Variants in BMP1 observed in about 807,000 individuals in gnomAD.
BMP1 encodes the protein bone morphogenetic protein 1, also known as mammalian tolloid protein.
A neutral mutation model predicts 116.8 loss-of-function variants in BMP1; 63 were observed. That is an observed-to-expected ratio of 0.54 (90% confidence interval 0.44 to 0.67). The LOEUF is 0.67. Among genes scored for constraint, BMP1 ranks in the 30% least tolerant of loss-of-function variants. The pLI, the probability that BMP1 is intolerant of heterozygous loss-of-function variation, is 0.00. For missense variants in BMP1, 1,183 were observed against 1,358.9 expected (o/e 0.87, Z 2.04); for synonymous variants, 536 against 533.4 (o/e 1.00, Z -0.07).
chr8:22,208,585 GC>G (rs1264770202), intron 18 of BMP1, among the ~76,000 whole-genome samples: 21 of 152,238 alleles, frequency 1.4e-4, no homozygotes, highest in African/African-American at 5.1e-4. Flanking sequence ...CCCAGAGTGT[GC>G]CCAGGTGACA....
In BMP1 at chr8:22,189,119, C is replaced by G. The variant is rs78836332; in HGVS notation, c.1078-2930C>G. On this transcript the variant is annotated intron_variant, in intron 8 of 19. Coordinates refer to ENST00000306385, the MANE Select transcript of BMP1 (RefSeq NM_006129.5). Reference sequence around the variant, plus strand: ...AACAAGTGAAATTTCTCCCCTTGACCCTCCTCCGGATCCCATTCCTCAGAG... The same window carrying G: ...AACAAGTGAAATTTCTCCCCTTGACGCTCCTCCGGATCCCATTCCTCAGAG... Among the ~76,000 whole-genome samples the G allele has an allele frequency of 6.3e-3, 952 of 152,206 alleles. 17 individuals carry two copies. In the East Asian group the frequency reaches 0.074, roughly 12 times the overall value.
At chr8:22,183,591 A>AATTATTATTATTATTATTATTATTATT (rs10687529) in intron 8 of BMP1, among the ~76,000 whole-genome samples, 1 of 146,986 alleles carries the variant, frequency 6.8e-6, no homozygotes, top group African/African-American at 2.5e-5. Context: ...GTATGTGTTA[A>AATTATTATTATTATTATTATTATTATT]ATTATTATTA....
Position 22,211,783 on chromosome 8 carries a change from T to C in BMP1, c.*55T>C, listed in dbSNP as rs1165681876. ...GCCTGCTGCCCTTGGTCGCCTAGAC[T>C]GGATAGTGGGGGTGGGCGGAAGGCA... On this transcript the variant is annotated 3_prime_UTR_variant, in exon 20 of 20. Transcript: ENST00000306385. 1 of 1,612,168 alleles carries C rather than the reference T, an allele frequency of 6.2e-7. No homozygotes were observed. The highest frequency in any genetic ancestry group is 1.3e-5 in the African/African-American group (1 of 74,916).
chr8:22,195,500 G>A lies in BMP1; in HGVS notation c.1678G>A (p.Glu560Lys), dbSNP rs373433474. Residue 560 changes from glutamate (E) to lysine (K), a missense_variant, in exon 13 of 20, where the codon GAG becomes AAG. By Grantham distance (56) the Glu-to-Lys change is moderately conservative (BLOSUM62 1). This residue lies in a region of BMP1 where 956 missense variants were observed against 1,135.2 expected (regional missense o/e 0.84). Transcript: ENST00000306385. ...ECSRPNRGGC[E>K]QRCLNTLGSY... ...CTCTCGGCCCAACCGCGGGGGCTGT[G>A]AGCAGCGGTGCCTCAACACCCTGGG... 4.5e-5 allele frequency: 73 copies of A among 1,612,266 alleles called. No homozygotes were observed. Among genetic ancestry groups the A allele is most frequent in the Non-Finnish European group, 6.0e-5 (71 of 1,179,710 alleles).
At position 22,188,336 on chromosome 8, in the gene BMP1, T is replaced by C. The variant is rs59473090; in HGVS notation, c.1078-3713T>C. On this transcript the variant is annotated intron_variant, in intron 8 of 19. Coordinates refer to ENST00000306385, the MANE Select transcript of BMP1 (RefSeq NM_006129.5). ...GGCATGCGCCATCATGCCCGGCAAA[T>C]TTTTAAATTTTTTTGTAGAGATGGG... is the stretch of plus-strand genomic sequence containing the variant. Among the ~76,000 whole-genome samples the C allele has an allele frequency of 4.8e-3, 726 of 152,166 alleles. 6 individuals are homozygous for C. The highest frequency in any genetic ancestry group is 0.017 in the African/African-American group (702 of 41,512).
At chr8:22,176,873 G>GC in intron 4 of BMP1, 88 bp from the exon 5 acceptor site, 1 of 1,103,206 alleles carries the variant, frequency 9.1e-7, no homozygotes, top group Non-Finnish European at 1.3e-6. Flanking sequence ...CTCCCCTGCC[G>GC]CCCCGCCCCC....
intron 15 of BMP1, chr8:22,201,215 C>G (rs769809200): frequency 6.2e-7 from 1 of 1,608,712 alleles, no homozygotes; most frequent in East Asian, 2.2e-5. Flanking sequence ...GCCTGCCAGG[C>G]CTCCCGGACC....
chr8:22,183,929 G>A (rs1325494428), intron 8 of BMP1, among the ~76,000 whole-genome samples: 2 of 152,110 alleles, frequency 1.3e-5, no homozygotes, highest in African/African-American at 4.8e-5. Context: ...GCAACACTAT[G>A]GGCCAGATGC....
intron 12 of BMP1, among the ~76,000 whole-genome samples, 166 bp from the exon 13 acceptor site, chr8:22,195,296 C>T (rs1024710498): frequency 4.6e-5 from 7 of 152,318 alleles, no homozygotes; most frequent in South Asian, 2.1e-4. Flanking sequence ...GGGAACAGCA[C>T]GTGAGAGACA....
Position 22,177,062 on chromosome 8 carries a change from T to G in BMP1, c.653T>G (p.Val218Gly), listed in dbSNP as rs778189734. 1 of 1,612,618 alleles carries G rather than the reference T, an allele frequency of 6.2e-7. No homozygotes were observed. The highest frequency in any genetic ancestry group is 1.1e-5 in the South Asian group (1 of 90,860). Reference sequence around the variant, plus strand: ...ATTGTGGTCCACGAGCTGGGCCACGTCGTCGGCTTCTGGCACGAACACACT... The same window carrying G: ...ATTGTGGTCCACGAGCTGGGCCACGGCGTCGGCTTCTGGCACGAACACACT... The part of the protein sequence containing the change: ...FGIVVHELGH[V>G]VGFWHEHTRP... Residue 218 changes from valine to glycine, a missense_variant, in exon 5 of 20, where the codon GTC becomes GGC. By Grantham distance (109) the Val-to-Gly change is moderately radical. Around this residue, in one of 4 missense-constraint regions of BMP1, gnomAD observed 956 missense variants for 1,135.2 expected, o/e 0.84. Coordinates refer to ENST00000306385, the MANE Select transcript of BMP1 (RefSeq NM_006129.5).
At chr8:22,206,512 A>G (rs890563059) in intron 16 of BMP1, among the ~76,000 whole-genome samples, 6 of 150,784 alleles carry the variant, frequency 4.0e-5, no homozygotes, top group Non-Finnish European at 7.4e-5. Context: ...AAAAAAAAAA[A>G]AAAGAAAGAA....
At chr8:22,199,132 GAC>G (rs745988450) in intron 15 of BMP1, 1 of 1,367,582 alleles carries the variant, frequency 7.3e-7, no homozygotes, top group South Asian at 1.1e-5. Flanking sequence ...CCTGCACGGA[GAC>G]ACACACGCCC....
chr8:22,206,829 C>T (rs1307009532), intron 16 of BMP1, 25 bp from the exon 17 acceptor site: 1 of 1,613,958 alleles, frequency 6.2e-7, no homozygotes, highest in Non-Finnish European at 8.5e-7. Context: ...CTCTCTATCC[C>T]CTTCCGTCAC....
chr8:22,195,782 G>A (rs1013118108), intron 13 of BMP1, among the ~76,000 whole-genome samples, 195 bp downstream of exon 13: 2 of 152,068 alleles, frequency 1.3e-5, no homozygotes, highest in Non-Finnish European at 2.9e-5. Context: ...AAGTAGCTGG[G>A]ACTACAGGTG....
Position 22,194,479 on chromosome 8 carries a change from C to A in BMP1, c.1332C>A (p.Gly444=). The A allele has an allele frequency of 6.2e-7, 1 of 1,614,186 alleles. No homozygotes were observed. Among genetic ancestry groups the A allele is most frequent in the South Asian group, 1.1e-5 (1 of 91,080 alleles). The change falls in exon 11 of 20, where the codon GGC becomes GGA. Residue 444 remains glycine (G), a synonymous_variant. Transcript: ENST00000306385. The surrounding 1 kb of genome is among the most constrained non-coding windows in gnomAD (Gnocchi z 4.5). ...ICGGDVKKDY[G]HIQSPNYPDD... ...GGGGTGATGTGAAAAAGGACTATGG[C>A]CACATTCAATCGCCCAACTACCCAG...
intron 8 of BMP1, among the ~76,000 whole-genome samples, chr8:22,190,554 C>T (rs934497474): frequency 7.2e-5 from 11 of 152,156 alleles, no homozygotes; most frequent in African/African-American, 2.2e-4. Flanking sequence ...CACGGCGTGA[C>T]GTGTTGGTGT....
At chr8:22,173,748 T>C in intron 2 of BMP1, 33 bp downstream of exon 2, 1 of 1,545,744 alleles carries the variant, frequency 6.5e-7, no homozygotes, top group Non-Finnish European at 8.9e-7. Context: ...CTCTGTGTCC[T>C]AGAAATGGGT....
In BMP1 at chr8:22,186,591, C is replaced by G. The variant is rs377470601; in HGVS notation, c.1078-5458C>G. 2.0e-5 allele frequency among the ~76,000 whole-genome samples: 3 copies of G among 152,236 alleles called. No individual in the cohort carries two copies. The South Asian group carries it at 6.2e-4, about 32-fold the overall frequency. ...AAGCAATTTTTCTGCCTCAGCCTCCCAAGTAGCTGGGACTATAGGCACGTG... is the reference window on the plus strand; with the variant it reads ...AAGCAATTTTTCTGCCTCAGCCTCCGAAGTAGCTGGGACTATAGGCACGTG... On this transcript the variant is annotated intron_variant, in intron 8 of 19. Transcript: ENST00000306385.
Position 22,209,522 on chromosome 8 carries a change from C to G in BMP1, c.2653C>G (p.Pro885Ala), listed in dbSNP as rs1383237504. Residue 885 changes from proline to alanine, a missense_variant, in exon 19 of 20, where the codon CCT becomes GCT. This residue lies in a region of BMP1 where 956 missense variants were observed against 1,135.2 expected (regional missense o/e 0.84). Transcript: ENST00000306385. ...SHAQFGDNNY[P>A]GGVDCEWVIV... is the part of the protein sequence containing the mutation. ...CGCCCAGTTTGGCGACAACAACTAC[C>G]CTGGGGGTGTGGACTGTGAGTGGGT... is the stretch of plus-strand genomic sequence containing the variant. The G allele has an allele frequency of 5.6e-6, 9 of 1,614,236 alleles. No individual in the cohort carries two copies. Among genetic ancestry groups the G allele is most frequent in the Non-Finnish European group, 7.6e-6 (9 of 1,180,028 alleles).
Sources: gnomAD v4.1 joint callset for allele counts (sites outside exome capture counted in the v4.1 genomes callset) on GRCh38, gnomAD v4.1.1 for gene constraint, gnomAD v4.1.1 regional missense constraint, Gnocchi (gnomAD v3.1) non-coding constraint, MANE v1.5 for transcripts, NCBI Gene and HGNC (gene_info 2026-07-23, HGNC 2026-07-21) for gene names.